The following GALM variants were observed in gnomAD, a reference collection of about 807,000 sequenced individuals.
GALM encodes the protein aldose 1-epimerase.
In GALM, 43 loss-of-function variants were observed where a neutral mutation model predicts 37.4. That is an observed-to-expected ratio of 1.15 (90% CI 0.90 to 1.48). The LOEUF (loss-of-function observed/expected upper bound fraction) is 1.48, where lower values mean the gene tolerates loss of function less well. GALM is among the 40% of genes most tolerant of loss of function. The pLI is 0.00. For synonymous variants in GALM, 199 were observed against 170.6 expected (o/e 1.17, Z -1.30); for missense variants, 456 against 419.1 (o/e 1.09, Z -0.77).
chr2:38,700,827 T>C (rs1323566707), intron 4 of GALM, among the ~76,000 whole-genome samples: 2 of 152,200 alleles, frequency 1.3e-5, no homozygotes, highest in African/African-American at 4.8e-5. Context: ...TGTTCATCCT[T>C]GTGATTGGTG....
At chr2:38,719,692 T>G (rs1011147758) in intron 4 of GALM, among the ~76,000 whole-genome samples, 7 of 148,484 alleles carry the variant, frequency 4.7e-5, no homozygotes, top group Non-Finnish European at 8.9e-5. Flanking sequence ...GAGAATCGCT[T>G]CAACCCCGAA....
chr2:38,711,369 C>G (rs1346532610), intron 4 of GALM, among the ~76,000 whole-genome samples: 1 of 152,040 alleles, frequency 6.6e-6, no homozygotes, highest in Admixed American at 6.6e-5. Flanking sequence ...CGACGTTGGT[C>G]ACGCTGGTCT....
chr2:38,668,365 CTT>C (rs1558574487), intron 1 of GALM: 1 of 152,286 alleles, frequency 6.6e-6, no homozygotes, highest in Non-Finnish European at 1.5e-5. Flanking sequence ...TTGCTTTTCT[CTT>C]GTTACCCTGT....
chr2:38,717,306 AGTGTGTGTGT>A lies in GALM; in HGVS notation c.635-12219_635-12210del, dbSNP rs56902027. On this transcript the variant is annotated intron_variant, in intron 4 of 6. Coordinates refer to ENST00000272252, the MANE Select transcript of GALM (RefSeq NM_138801.3). ...TAATACCTGGTCTCTGTATTAAGGGAGTGTGTGTGTGTGTGTGTGTGTGTGTGTGTGTGTG... is the reference window on the plus strand; with the variant it reads ...TAATACCTGGTCTCTGTATTAAGGGAGTGTGTGTGTGTGTGTGTGTGTGTG... Among the ~76,000 whole-genome samples, 224 of 143,686 alleles carry A rather than the reference AGTGTGTGTGT, an allele frequency of 1.6e-3. 1 individual carries two copies. Among genetic ancestry groups the A allele is most frequent in the Middle Eastern group, 3.5e-3 (1 of 282 alleles). The allele number at this position is 143,686 out of a possible 152,430, so 94.3% of individuals were successfully genotyped here.
intron 1 of GALM, among the ~76,000 whole-genome samples, chr2:38,669,742 G>A (rs1665042056): frequency 6.6e-6 from 1 of 151,996 alleles, no homozygotes; most frequent in East Asian, 2.0e-4. Flanking sequence ...GCATGGTGGC[G>A]CATGCCTGTA....
rs539849334 is a variant in GALM at position 38,666,248 on chromosome 2, G to C, written c.87G>C (p.Leu29Phe). 2.3e-5 allele frequency: 37 copies of C among 1,613,982 alleles called. No individual in the cohort carries two copies. Among genetic ancestry groups the C allele is most frequent in the Middle Eastern group, 1.6e-4 (1 of 6,084 alleles). ...AGTTCCAGCTGCAGTCAGACCTCTT[G>C]AGAGTGGACATCATCTCCTGGGGCT... is the stretch of plus-strand genomic sequence containing the variant. Reference protein sequence around the residue: ...VEKFQLQSDLLRVDIISWGCT... With the variant: ...VEKFQLQSDLFRVDIISWGCT... The change falls in exon 1 of 7, where the codon TTG (leucine) becomes TTC (phenylalanine). Residue 29 changes from leucine to phenylalanine, a missense_variant. Transcript: ENST00000272252.
At position 38,733,996 on chromosome 2, in the gene GALM, T is replaced by G; in HGVS notation, c.*431T>G. 1 of 262,090 alleles carries G rather than the reference T, an allele frequency of 3.8e-6. No homozygotes were observed. Among genetic ancestry groups the G allele is most frequent in the Non-Finnish European group, 7.6e-6 (1 of 132,348 alleles). The allele number at this position is 262,090 out of a possible 1,614,324, so 16.2% of individuals were successfully genotyped here. ...CACTCTGGAGTTTTCAAATGTCACA[T>G]TAGCCTCACCCTGCATGCTAGGAGA... is the stretch of plus-strand genomic sequence containing the variant. On this transcript the variant is annotated 3_prime_UTR_variant, in exon 7 of 7. Coordinates refer to ENST00000272252, the MANE Select transcript of GALM (RefSeq NM_138801.3).
chr2:38,727,724 C>CAAAAAAA (rs565518448), intron 4 of GALM, among the ~76,000 whole-genome samples: 1 of 62,504 alleles, frequency 1.6e-5, no homozygotes. Context: ...GACTACGTCT[C>CAAAAAAA]AAAAAAAAAA....
intron 5 of GALM, 71 bp from the exon 6 acceptor site, chr2:38,731,664 C>T (rs1200529950): frequency 2.0e-5 from 24 of 1,185,700 alleles, no homozygotes; most frequent in Admixed American, 7.2e-5. Context: ...GTCTCAAAGC[C>T]GCTTCCCAGC....
At chr2:38,694,500 G>A (rs1665755118) in intron 4 of GALM, among the ~76,000 whole-genome samples, 1 of 152,126 alleles carries the variant, frequency 6.6e-6, no homozygotes, top group Non-Finnish European at 1.5e-5. Flanking sequence ...GAAAGGGAGA[G>A]AGAGAAAGAG....
intron 4 of GALM, among the ~76,000 whole-genome samples, chr2:38,691,598 C>T (rs1665672659): frequency 6.6e-6 from 1 of 152,044 alleles, no homozygotes; most frequent in East Asian, 1.9e-4. Context: ...GCAGGAGGAT[C>T]TCTCGAGCCC....
chr2:38,684,527 C>A (rs772220903), intron 3 of GALM, among the ~76,000 whole-genome samples: 2 of 152,138 alleles, frequency 1.3e-5, no homozygotes, highest in Non-Finnish European at 2.9e-5. Context: ...AACAAACAGG[C>A]TGGGTGCGGC....
intron 4 of GALM, among the ~76,000 whole-genome samples, chr2:38,725,821 T>C (rs947195429): frequency 6.6e-6 from 1 of 151,986 alleles, no homozygotes; most frequent in African/African-American, 2.4e-5. Flanking sequence ...AAGCGATTCT[T>C]GTGCCTCAGT....
chr2:38,684,104 C>G (rs1359404892), intron 3 of GALM, among the ~76,000 whole-genome samples: 1 of 152,162 alleles, frequency 6.6e-6, no homozygotes, highest in African/African-American at 2.4e-5. Flanking sequence ...TCCCCAGGCA[C>G]ATAGCTCAAA....
intron 4 of GALM, among the ~76,000 whole-genome samples, chr2:38,710,043 G>A (rs1042504369): frequency 6.6e-6 from 1 of 152,204 alleles, no homozygotes; most frequent in Non-Finnish European, 1.5e-5. Flanking sequence ...CTGCCCCAGT[G>A]TCCCTCCCAA....
rs559311512 is a variant in GALM, at chr2:38,681,720, C to G, written c.552+234C>G. On this transcript the variant is annotated intron_variant, in intron 3 of 6. Transcript: ENST00000272252. ...GTACCTGTTTCCCGTTTGCTTCAGA[C>G]AAGTAACTAGCTGTTTCAAGAACTC... Among the ~76,000 whole-genome samples the G allele has an allele frequency of 4.6e-5, 7 of 152,360 alleles. No homozygotes were observed. The East Asian group carries it at 7.7e-4, about 17-fold the overall frequency.
intron 4 of GALM, among the ~76,000 whole-genome samples, chr2:38,703,663 A>G (rs993742079): frequency 1.3e-5 from 2 of 152,122 alleles, no homozygotes. Flanking sequence ...GGGTTCTTGT[A>G]TGTCTGGGAA....
intron 6 of GALM, among the ~76,000 whole-genome samples, chr2:38,733,220 CAAAA>C (rs10555489): frequency 7.3e-5 from 9 of 123,540 alleles, no homozygotes; most frequent in Non-Finnish European, 5.1e-5. Flanking sequence ...GACTCCATCT[CAAAA>C]AAAAAAAAAA....
At chr2:38,711,767 T>TCA (rs1666168632) in intron 4 of GALM, among the ~76,000 whole-genome samples, 9 of 143,556 alleles carry the variant, frequency 6.3e-5, no homozygotes, top group South Asian at 2.3e-4. Context: ...ATCACCACCA[T>TCA]TATCACCATC....
Sources: gnomAD v4.1 joint callset for allele counts (sites outside exome capture counted in the v4.1 genomes callset) on GRCh38, gnomAD v4.1.1 for gene constraint, MANE v1.5 for transcripts, NCBI Gene and HGNC (gene_info 2026-07-23, HGNC 2026-07-21) for gene names.